HNF4A: variants seen among roughly 807,000 people sequenced by gnomAD.
The protein encoded by HNF4A is hepatocyte nuclear factor 4 alpha, also known as hepatocyte nuclear factor 4-alpha.
In HNF4A, 15 loss-of-function variants were observed where a neutral mutation model predicts 52.4. The observed-to-expected ratio is 0.29, with a 90% CI of 0.19 to 0.44. The LOEUF is 0.44. Ranked by LOEUF, HNF4A falls within the 20% of genes least tolerant of loss-of-function variation. The probability of loss-of-function intolerance (pLI) is 1.00; values close to 1 mark genes in which losing one functional copy is unlikely to be tolerated. For missense variants in HNF4A, 479 were observed against 647.2 expected (o/e 0.74, Z 2.82); for synonymous variants, 280 against 264.4 (o/e 1.06, Z -0.57).
intron 1 of HNF4A, among the ~76,000 whole-genome samples, chr20:44,383,571 T>G (rs1039897646): frequency 5.2e-5 from 7 of 133,710 alleles, no homozygotes; most frequent in African/African-American, 1.9e-4. Flanking sequence ...TTTTTTTAAA[T>G]ACGGAGTCTC....
chr20:44,399,874 T>C (rs2063387007), upstream of HNF4A, among the ~76,000 whole-genome samples: 1 of 152,188 alleles, frequency 6.6e-6, no homozygotes, highest in South Asian at 2.1e-4. Context: ...CCACTCTTGC[T>C]CACAGGTGTC....
intron 5 of HNF4A, among the ~76,000 whole-genome samples, chr20:44,416,533 A>G (rs2146428032): frequency 6.6e-6 from 1 of 152,378 alleles, no homozygotes; most frequent in East Asian, 1.9e-4. Context: ...CTTGGCAATC[A>G]GCATCCTCGG....
intron 1 of HNF4A, among the ~76,000 whole-genome samples, chr20:44,396,112 G>A (rs188582486): frequency 6.6e-6 from 1 of 152,270 alleles, no homozygotes. Context: ...GCAATGCGTA[G>A]AGGGGTGAAG....
chr20:44,429,815 T>C lies in HNF4A; in HGVS notation c.*150T>C. The C allele has an allele frequency of 6.4e-6, 5 of 785,564 alleles. No individual in the cohort carries two copies. Among genetic ancestry groups the C allele is most frequent in the Non-Finnish European group, 1.0e-5 (5 of 484,870 alleles). The allele number at this position is 785,564 out of a possible 1,614,324, so 48.7% of individuals were successfully genotyped here. A position where few individuals can be genotyped will look rare whatever the true frequency, so the allele number is the denominator to read the frequency against. ...GGATGAAGGGCCCGAGAACATGGCC[T>C]AAGGGCCACATCCCACTGCCACCCT... On this transcript the variant is annotated 3_prime_UTR_variant, in exon 10 of 10. Transcript: ENST00000316099.
At chr20:44,392,574 G>A (rs2425633) in intron 1 of HNF4A, among the ~76,000 whole-genome samples, 34,963 of 152,094 alleles carry the variant, frequency 0.23, 5,081 homozygotes, top group Non-Finnish European at 0.33. Flanking sequence ...AAACTCCTGG[G>A]TTCAAGTAAA....
chr20:44,359,067 G>T (rs986278791), intron 1 of HNF4A, among the ~76,000 whole-genome samples: 1 of 152,138 alleles, frequency 6.6e-6, no homozygotes, highest in Non-Finnish European at 1.5e-5. Flanking sequence ...TATAAACTCC[G>T]TGAGTTCTGG....
At chr20:44,404,088 G>A (rs1275129971) in intron 1 of HNF4A, among the ~76,000 whole-genome samples, 7 of 152,154 alleles carry the variant, frequency 4.6e-5, no homozygotes, top group Non-Finnish European at 4.4e-5. Context: ...AATGAGATGC[G>A]GCAGTGTCTG....
Position 44,406,076 on chromosome 20 carries a change from G to T in HNF4A, c.134G>T (p.Gly45Val). 6.2e-7 allele frequency: 1 copy of T among 1,612,584 alleles called. No homozygotes were observed. Among genetic ancestry groups the T allele is most frequent in the Non-Finnish European group, 8.5e-7 (1 of 1,180,010 alleles). The change falls in exon 2 of 10, where the codon GGC becomes GTC. Residue 45 changes from glycine to valine, a missense_variant. By Grantham distance (109) the Gly-to-Val change is moderately radical. Around this residue, in one of 3 missense-constraint regions of HNF4A, gnomAD observed 90 missense variants for 105.5 expected, o/e 0.85. Coordinates refer to ENST00000316099, the MANE Select transcript of HNF4A (RefSeq NM_000457.6). ...GGCGCAGACACGTCCCCATCAGAAG[G>T]CACCAACCTCAACGCGCCCAACAGC...
intron 1 of HNF4A, among the ~76,000 whole-genome samples, chr20:44,402,199 G>T (rs2063419066): frequency 6.6e-6 from 1 of 152,056 alleles, no homozygotes; most frequent in Non-Finnish European, 1.5e-5. Context: ...GTCTGTGTTT[G>T]TGTCTTAGGA....
chr20:44,412,057 G>GAAA (rs11426408), intron 3 of HNF4A, among the ~76,000 whole-genome samples: 42 of 145,086 alleles, frequency 2.9e-4, no homozygotes, highest in Admixed American at 3.4e-4. Flanking sequence ...ACCCCATCTC[G>GAAA]AAAAAAAAAA....
intron 1 of HNF4A, among the ~76,000 whole-genome samples, chr20:44,356,874 G>T (rs1294348792): frequency 3.3e-5 from 5 of 152,128 alleles, no homozygotes; most frequent in African/African-American, 1.2e-4. Flanking sequence ...CTGGAATCCA[G>T]CAGACCTCGG....
chr20:44,376,697 G>C (rs755061845), intron 1 of HNF4A, among the ~76,000 whole-genome samples: 26 of 152,004 alleles, frequency 1.7e-4, no homozygotes, highest in African/African-American at 4.8e-4. Flanking sequence ...ATGTGTATTT[G>C]GTATTTATCT....
chr20:44,380,817 C>T (rs1286999589), intron 1 of HNF4A, among the ~76,000 whole-genome samples: 1 of 152,156 alleles, frequency 6.6e-6, no homozygotes, highest in Non-Finnish European at 1.5e-5. Context: ...CTTTTGGTGT[C>T]ATATCCAAGA....
intron 1 of HNF4A, among the ~76,000 whole-genome samples, chr20:44,405,073 T>G (rs1450006232): frequency 4.1e-5 from 1 of 24,492 alleles, no homozygotes; most frequent in Non-Finnish European, 1.1e-4. Flanking sequence ...TGCGTGTGTG[T>G]GGACTGTGTG....
chr20:44,363,188 T>G (rs935788052), intron 1 of HNF4A, among the ~76,000 whole-genome samples: 2 of 152,128 alleles, frequency 1.3e-5, no homozygotes, highest in African/African-American at 4.8e-5. Context: ...TTTCCTCATC[T>G]GTCAAATGGG....
chr20:44,396,708 G>A (rs115143044), upstream of HNF4A, among the ~76,000 whole-genome samples: 1,330 of 152,304 alleles, frequency 8.7e-3, 22 homozygotes, highest in African/African-American at 0.03. Context: ...CAATGACAGT[G>A]ATTGCTACTA....
intron 1 of HNF4A, among the ~76,000 whole-genome samples, chr20:44,378,447 T>C (rs947414402): frequency 1.3e-5 from 2 of 152,026 alleles, no homozygotes; most frequent in Non-Finnish European, 2.9e-5. Context: ...TTTGTATTTT[T>C]AGTAGAGACA....
chr20:44,374,440 A>G (rs953299090), intron 1 of HNF4A, among the ~76,000 whole-genome samples: 2 of 152,014 alleles, frequency 1.3e-5, no homozygotes, highest in Non-Finnish European at 2.9e-5. Context: ...GCTGATGGGC[A>G]CTTAGGTTGA....
chr20:44,421,778 T>C (rs918303490), intron 7 of HNF4A, among the ~76,000 whole-genome samples: 3 of 146,628 alleles, frequency 2.0e-5, no homozygotes, highest in Non-Finnish European at 1.5e-5. Context: ...TATGTGTATA[T>C]ATATATAATA....
Sources: allele counts gnomAD v4.1 joint callset (sites outside exome capture counted in the v4.1 genomes callset), GRCh38; gene constraint gnomAD v4.1.1; regional missense constraint gnomAD v4.1.1; transcripts MANE v1.5; gene names NCBI Gene and HGNC (gene_info 2026-07-23, HGNC 2026-07-21).